The following SPMIP11 variants were observed in gnomAD, a reference collection of about 807,000 sequenced individuals.
The protein encoded by SPMIP11 is long intergenic non-protein coding RNA 935.
At chr12:48,768,472 C>T in the SPMIP11 span, 1 of 1,457,350 alleles carries the variant, frequency 6.9e-7, no homozygotes, top group Non-Finnish European at 9.5e-7. Flanking sequence ...GGGATGTTCC[C>T]TTTTGTGGTT....
At chr12:48,736,006 G>A in the SPMIP11 span, 1 of 395,816 alleles carries the variant, frequency 2.5e-6, no homozygotes, top group East Asian at 8.2e-5. Context: ...TAGTCTTGTA[G>A]TCTTACAACT....
chr12:48,761,357 A>T, the SPMIP11 span, among the ~76,000 whole-genome samples: 15 of 151,948 alleles, frequency 9.9e-5, no homozygotes, highest in Non-Finnish European at 1.6e-4. Context: ...AGGCTGAGGC[A>T]GGAGAATCGC....
At chr12:48,755,268 C>G in the SPMIP11 span, among the ~76,000 whole-genome samples, 1 of 152,166 alleles carries the variant, frequency 6.6e-6, no homozygotes, top group African/African-American at 2.4e-5. Context: ...CAATTTGTGG[C>G]CCAGTTCTAG....
the SPMIP11 span, among the ~76,000 whole-genome samples, chr12:48,746,334 C>CA: frequency 6.6e-6 from 1 of 150,846 alleles, no homozygotes. Context: ...CAATAGCTCA[C>CA]ACCTGTAATC....
At chr12:48,755,182 C>A in the SPMIP11 span, among the ~76,000 whole-genome samples, 1 of 152,148 alleles carries the variant, frequency 6.6e-6, no homozygotes, top group Non-Finnish European at 1.5e-5. Context: ...GGAACATCCA[C>A]TCAAGTACTT....
chr12:48,733,219 C>A, the SPMIP11 span, among the ~76,000 whole-genome samples: 1 of 151,568 alleles, frequency 6.6e-6, no homozygotes, highest in Admixed American at 6.6e-5. Context: ...GTATTACAGG[C>A]ACCTGCCACG....
At chr12:48,761,571 T>C in the SPMIP11 span, among the ~76,000 whole-genome samples, 10 of 143,352 alleles carry the variant, frequency 7.0e-5, no homozygotes, top group East Asian at 1.3e-3. Context: ...GTGATAGTGC[T>C]ACTGCACTCC....
the SPMIP11 span, chr12:48,769,072 G>C: frequency 6.2e-7 from 1 of 1,606,490 alleles, no homozygotes; most frequent in Non-Finnish European, 8.5e-7. Flanking sequence ...CTGAGGTGGA[G>C]AGAACAGCAA....
At chr12:48,731,976 G>C in the SPMIP11 span, among the ~76,000 whole-genome samples, 1 of 151,612 alleles carries the variant, frequency 6.6e-6, no homozygotes, top group South Asian at 2.1e-4. Flanking sequence ...TGGCAAAACC[G>C]CGTCTCTACT....
chr12:48,764,498 T>A, the SPMIP11 span, among the ~76,000 whole-genome samples: 1 of 152,060 alleles, frequency 6.6e-6, no homozygotes, highest in South Asian at 2.1e-4. Flanking sequence ...AGAATGAGGA[T>A]GATTAAGCCA....
At chr12:48,758,426 C>T in the SPMIP11 span, among the ~76,000 whole-genome samples, 11 of 152,282 alleles carry the variant, frequency 7.2e-5, no homozygotes, top group Admixed American at 2.0e-4. Context: ...CCGTCACTAG[C>T]GGATAACTTT....
the SPMIP11 span, among the ~76,000 whole-genome samples, chr12:48,743,677 C>T: frequency 1.3e-5 from 2 of 152,104 alleles, no homozygotes; most frequent in African/African-American, 2.4e-5. Flanking sequence ...TGCTGTGGCT[C>T]ACGCCTGTAA....
chr12:48,743,913 A>G, the SPMIP11 span, among the ~76,000 whole-genome samples: 6 of 140,776 alleles, frequency 4.3e-5, no homozygotes, highest in Non-Finnish European at 7.7e-5. Flanking sequence ...AGCCTGGGGA[A>G]CAAGAGCAAG....
chr12:48,745,766 A>G, the SPMIP11 span, among the ~76,000 whole-genome samples: 63 of 152,318 alleles, frequency 4.1e-4, 1 homozygote, highest in Middle Eastern at 0.017. Flanking sequence ...TTTACTAAAA[A>G]ATTATTTAAT....
At chr12:48,768,465 A>AT in the SPMIP11 span, 2 of 1,369,440 alleles carry the variant, frequency 1.5e-6, no homozygotes, top group Non-Finnish European at 2.1e-6. Flanking sequence ...GCCTGCTGGG[A>AT]TGTTCCCTTT....
chr12:48,744,091 A>G, the SPMIP11 span, among the ~76,000 whole-genome samples: 1 of 151,356 alleles, frequency 6.6e-6, no homozygotes, highest in East Asian at 1.9e-4. Flanking sequence ...TCTACTAAAA[A>G]TATAAAAATA....
At chr12:48,754,752 T>C in the SPMIP11 span, among the ~76,000 whole-genome samples, 3 of 143,978 alleles carry the variant, frequency 2.1e-5, no homozygotes, top group Admixed American at 6.9e-5. Flanking sequence ...GCCTGGCCTG[T>C]TTTTCGTTTT....
the SPMIP11 span, chr12:48,765,606 G>A: frequency 1.4e-6 from 1 of 702,922 alleles, no homozygotes; most frequent in Non-Finnish European, 2.6e-6. Flanking sequence ...CTTCTTTCCA[G>A]GTTTATGGAT....
the SPMIP11 span, among the ~76,000 whole-genome samples, chr12:48,743,069 GCCTGTCTCTACTAGAAAC>G: frequency 2.6e-5 from 4 of 151,584 alleles, no homozygotes; most frequent in Non-Finnish European, 4.4e-5. Flanking sequence ...GCAACATGGT[GCCTGTCTCTACTAGAAAC>G]CCTGTCTCTA....
Sources: allele counts gnomAD v4.1 joint callset (sites outside exome capture counted in the v4.1 genomes callset), GRCh38; gene constraint gnomAD v4.1.1; transcripts MANE v1.5; gene names NCBI Gene and HGNC (gene_info 2026-07-23, HGNC 2026-07-21).